FAM169A: variants seen among roughly 807,000 people sequenced by gnomAD.
The protein encoded by FAM169A is soluble lamin-associated protein of 75 kDa.
Under a neutral mutation model 75.7 loss-of-function variants are expected in FAM169A, and 24 were observed. That is an observed-to-expected ratio of 0.32 (90% CI 0.23 to 0.45). The LOEUF is 0.45. Ranked by LOEUF, FAM169A falls within the 20% of genes least tolerant of loss-of-function variation. FAM169A has a pLI of 1.00. For synonymous variants in FAM169A, 271 were observed against 271.0 expected, an observed-to-expected ratio of 1.00 and a Z score of 0.00; for missense variants, 673 against 784.0, an observed-to-expected ratio of 0.86 and a Z score of 1.69.
At chr5:74,782,891 T>C (rs377517351) in intron 12 of FAM169A, 40 bp downstream of exon 12, 9 of 1,498,862 alleles carry the variant, frequency 6.0e-6, no homozygotes, top group South Asian at 3.5e-5. Context: ...GTCACCAACA[T>C]TGGTAAACTT....
At chr5:74,818,055 T>G (rs1747561818) in intron 5 of FAM169A, among the ~76,000 whole-genome samples, 1 of 152,154 alleles carries the variant, frequency 6.6e-6, no homozygotes, top group African/African-American at 2.4e-5. Context: ...CTCAAATTCT[T>G]AAAAGAAAAC....
chr5:74,790,080 C>G (rs1307723449), intron 11 of FAM169A, among the ~76,000 whole-genome samples: 2 of 152,144 alleles, frequency 1.3e-5, no homozygotes, highest in East Asian at 3.9e-4. Context: ...CTTGAAGACA[C>G]AAGTAAGTTA....
At chr5:74,789,855 A>AT in intron 11 of FAM169A, among the ~76,000 whole-genome samples, 2 of 152,346 alleles carry the variant, frequency 1.3e-5, no homozygotes, top group South Asian at 4.1e-4. Flanking sequence ...TCTTCTGCAG[A>AT]TAACTGCTCT....
chr5:74,818,820 T>C (rs1003558096), intron 5 of FAM169A, among the ~76,000 whole-genome samples: 3 of 151,362 alleles, frequency 2.0e-5, no homozygotes, highest in Non-Finnish European at 4.4e-5. Context: ...TATATATATA[T>C]ATATGTCAAA....
chr5:74,835,207 G>C lies in FAM169A; in HGVS notation c.319-610C>G, dbSNP rs530897077. On this transcript the variant is annotated intron_variant, in intron 4 of 12. Coordinates refer to ENST00000687041, the MANE Select transcript of FAM169A (RefSeq NM_001376049.1). Reference sequence around the variant, plus strand: ...GTCTAATAAAAACATACTTAGGGCAGTAATAGAACAGAAACAGAGTCTCAC... The same window carrying C: ...GTCTAATAAAAACATACTTAGGGCACTAATAGAACAGAAACAGAGTCTCAC... Among the ~76,000 whole-genome samples, 28 of 152,226 alleles carry C rather than the reference G, an allele frequency of 1.8e-4. No homozygotes were observed. The South Asian group carries it at 5.8e-3, about 32-fold the overall frequency.
At chr5:74,788,477 G>A (rs554832635) in intron 11 of FAM169A, among the ~76,000 whole-genome samples, 20 of 152,128 alleles carry the variant, frequency 1.3e-4, no homozygotes, top group East Asian at 1.2e-3. Context: ...AGGCCAAGGC[G>A]GGCGTATCAC....
chr5:74,836,710 G>A (rs1236532172), intron 4 of FAM169A, among the ~76,000 whole-genome samples: 1 of 152,302 alleles, frequency 6.6e-6, no homozygotes. Flanking sequence ...CACTGTGGGA[G>A]GCCAAGGCAG....
chr5:74,796,747 A>C (rs182095414), intron 10 of FAM169A, among the ~76,000 whole-genome samples: 13 of 151,528 alleles, frequency 8.6e-5, no homozygotes, highest in African/African-American at 3.2e-4. Flanking sequence ...CTGAAGGACC[A>C]TGGATCTTAT....
chr5:74,784,510 C>CAAAAAAAAAAAAAAAAAAAA (rs200414695), intron 11 of FAM169A, among the ~76,000 whole-genome samples: 9 of 29,860 alleles, frequency 3.0e-4, no homozygotes, highest in African/African-American at 6.1e-4. Flanking sequence ...GACTCCGTCT[C>CAAAAAAAAAAAAAAAAAAAA]AAAAAAAAAA....
At chr5:74,795,912 A>G (rs548003555) in intron 11 of FAM169A, 118 bp downstream of exon 11, 8 of 1,047,618 alleles carry the variant, frequency 7.6e-6, no homozygotes, top group Admixed American at 7.6e-5. Flanking sequence ...GATTTTTAAC[A>G]CTAAACGCAA....
chr5:74,782,253 T>C (rs1745450810), intron 12 of FAM169A, among the ~76,000 whole-genome samples: 1 of 152,214 alleles, frequency 6.6e-6, no homozygotes, highest in Non-Finnish European at 1.5e-5. Flanking sequence ...TATAATGAAA[T>C]AATTATTTCA....
intron 11 of FAM169A, among the ~76,000 whole-genome samples, chr5:74,787,233 T>C (rs1745741325): frequency 6.6e-6 from 1 of 152,240 alleles, no homozygotes; most frequent in Non-Finnish European, 1.5e-5. Context: ...GCTGAATTTA[T>C]TGATTCGGGC....
At chr5:74,851,315 C>T (rs1399384293) in intron 1 of FAM169A, among the ~76,000 whole-genome samples, 1 of 152,146 alleles carries the variant, frequency 6.6e-6, no homozygotes, top group Non-Finnish European at 1.5e-5. Flanking sequence ...GGGTTACATG[C>T]CTCCATCCTA....
intron 6 of FAM169A, among the ~76,000 whole-genome samples, chr5:74,812,837 T>C (rs1468391779): frequency 7.2e-5 from 11 of 152,144 alleles, no homozygotes; most frequent in Non-Finnish European, 1.6e-4. Context: ...AGGGCTGTAA[T>C]AAAATACACA....
At chr5:74,844,417 G>A (rs566345330) in intron 1 of FAM169A, among the ~76,000 whole-genome samples, 1 of 151,856 alleles carries the variant, frequency 6.6e-6, no homozygotes, top group South Asian at 2.1e-4. Flanking sequence ...AGGTATGATC[G>A]TGCCAGCCTG....
At chr5:74,835,168 G>A (rs1030908673) in intron 4 of FAM169A, among the ~76,000 whole-genome samples, 2 of 152,016 alleles carry the variant, frequency 1.3e-5, no homozygotes, top group Admixed American at 1.3e-4. Flanking sequence ...AACAAAGACG[G>A]GGATACCAAA....
At chr5:74,817,112 A>G (rs1747509327) in intron 5 of FAM169A, among the ~76,000 whole-genome samples, 1 of 152,146 alleles carries the variant, frequency 6.6e-6, no homozygotes, top group Non-Finnish European at 1.5e-5. Context: ...GAACCACTGG[A>G]TATTTCCTCC....
At chr5:74,849,779 C>T (rs959070468) in intron 1 of FAM169A, among the ~76,000 whole-genome samples, 4 of 152,134 alleles carry the variant, frequency 2.6e-5, no homozygotes, top group African/African-American at 4.8e-5. Flanking sequence ...AGGTCCTAAA[C>T]GCTAGATTCC....
chr5:74,815,712 T>C (rs1446705963), intron 5 of FAM169A, among the ~76,000 whole-genome samples: 1 of 152,118 alleles, frequency 6.6e-6, no homozygotes, highest in Admixed American at 6.5e-5. Context: ...ATGCAGGTCA[T>C]AAACACCCTG....
Sources: allele counts gnomAD v4.1 joint callset (sites outside exome capture counted in the v4.1 genomes callset), GRCh38; gene constraint gnomAD v4.1.1; transcripts MANE v1.5; gene names NCBI Gene and HGNC (gene_info 2026-07-23, HGNC 2026-07-21).